Variants in RNF32 observed in about 807,000 individuals in gnomAD.
The protein encoded by RNF32 is ring finger protein 32.
RNF32 carries 36 observed loss-of-function variants against 41.0 expected under a neutral mutation model. The observed-to-expected ratio is 0.88, with a 90% CI of 0.67 to 1.16. The LOEUF (loss-of-function observed/expected upper bound fraction) is 1.16, where lower values mean the gene tolerates loss of function less well. Among genes scored for constraint, RNF32 ranks in the 50% most tolerant of loss-of-function variants. The probability of loss-of-function intolerance (pLI) is 0.00; values close to 1 mark genes in which losing one functional copy is unlikely to be tolerated. For synonymous variants in RNF32, 154 were observed against 160.9 expected (o/e 0.96, Z 0.32); for missense variants, 413 against 436.7 (o/e 0.95, Z 0.48).
At chr7:156,664,286 A>AC (rs930690335) in intron 7 of RNF32, among the ~76,000 whole-genome samples, 61 of 151,882 alleles carry the variant, frequency 4.0e-4, no homozygotes, top group African/African-American at 1.5e-3. Context: ...ACATGGAGAA[A>AC]CCCCTTCTCT....
intron 7 of RNF32, chr7:156,659,812 C>G (rs370057267): frequency 6.6e-6 from 5 of 760,726 alleles, no homozygotes; most frequent in East Asian, 1.3e-4. Context: ...GGTTAAGTTT[C>G]AGCGTTCAGT....
chr7:156,663,388 A>G (rs1251637965), intron 7 of RNF32, among the ~76,000 whole-genome samples: 1 of 152,226 alleles, frequency 6.6e-6, no homozygotes, highest in African/African-American at 2.4e-5. Context: ...TTACAATTTT[A>G]CATTATATTT....
In RNF32 at chr7:156,654,693, A is replaced by G; in HGVS notation, c.392A>G (p.Lys131Arg). The G allele has an allele frequency of 6.2e-7, 1 of 1,614,028 alleles. No individual in the cohort carries two copies. The highest frequency in any genetic ancestry group is 1.1e-5 in the South Asian group (1 of 91,076). The change falls in exon 4 of 9, where the codon AAA becomes AGA. Residue 131 changes from lysine (K) to arginine (R), a missense_variant. Coordinates refer to ENST00000317955, the MANE Select transcript of RNF32 (RefSeq NM_030936.4). ...TCCGTGCAACCATGCCCCATCTGTA[A>G]AGAAGAATTCGAGCTTCGTCCTCAG... ...GDSVQPCPIC[K>R]EEFELRPQVL... is the part of the protein sequence containing the mutation.
At chr7:156,667,494 A>C (rs1037727167) in intron 7 of RNF32, among the ~76,000 whole-genome samples, 40 of 152,336 alleles carry the variant, frequency 2.6e-4, no homozygotes, top group African/African-American at 8.7e-4. Context: ...TGTAAAATTG[A>C]AAATGTTTAG....
intron 4 of RNF32, among the ~76,000 whole-genome samples, chr7:156,655,505 C>T (rs1048735007): frequency 2.0e-5 from 3 of 152,142 alleles, no homozygotes; most frequent in African/African-American, 7.2e-5. Flanking sequence ...GCTGAGAAAA[C>T]ACAGCAAATA....
chr7:156,649,547 T>G (rs529779199), intron 3 of RNF32, among the ~76,000 whole-genome samples: 7 of 152,326 alleles, frequency 4.6e-5, no homozygotes, highest in African/African-American at 1.7e-4. Context: ...ATTGTTGTTT[T>G]GTGTTGTTTG....
At chr7:156,662,536 G>T (rs1278616435) in intron 7 of RNF32, among the ~76,000 whole-genome samples, 1 of 152,010 alleles carries the variant, frequency 6.6e-6, no homozygotes, top group Non-Finnish European at 1.5e-5. Context: ...AGTGAATTGC[G>T]TGTGTACACA....
At chr7:156,653,408 C>CAACA (rs897491485) in intron 3 of RNF32, among the ~76,000 whole-genome samples, 1 of 152,204 alleles carries the variant, frequency 6.6e-6, no homozygotes, top group Non-Finnish European at 1.5e-5. Flanking sequence ...CATTTCTTAA[C>CAACA]AACAATCGCC....
intron 6 of RNF32, 74 bp from the exon 7 acceptor site, chr7:156,658,388 T>A: frequency 6.7e-7 from 1 of 1,501,638 alleles, no homozygotes; most frequent in Non-Finnish European, 9.3e-7. Context: ...AGCACAGGGC[T>A]TATAACAACT....
In RNF32 at chr7:156,669,646, G is replaced by T. The variant is rs1802028220; in HGVS notation, c.685-6050G>T. Among the ~76,000 whole-genome samples the T allele has an allele frequency of 6.6e-6, 1 of 152,210 alleles. No homozygotes were observed. Among genetic ancestry groups the T allele is most frequent in the African/African-American group, 2.4e-5 (1 of 41,456 alleles). ...GCGACCCACAGCCACGTGAACACTG[G>T]AAACTGCCCTCAGAGCCCCGGGGAT... On this transcript the variant is annotated intron_variant, in intron 7 of 8. Coordinates refer to ENST00000317955, the MANE Select transcript of RNF32 (RefSeq NM_030936.4). The surrounding 1 kb of genome is among the most constrained non-coding windows in gnomAD (Gnocchi z 4.2).
intron 7 of RNF32, among the ~76,000 whole-genome samples, chr7:156,671,707 T>A (rs1563096984): frequency 6.6e-6 from 1 of 152,178 alleles, no homozygotes; most frequent in African/African-American, 2.4e-5. Flanking sequence ...CCCCAACAGT[T>A]AGTTTTTCAG....
chr7:156,658,880 A>C, intron 7 of RNF32: 1 of 1,548,882 alleles, frequency 6.5e-7, no homozygotes, highest in Non-Finnish European at 8.7e-7. Flanking sequence ...ACTGGAAACC[A>C]GCTTAATTTT....
At chr7:156,662,778 G>T (rs1240288625) in intron 7 of RNF32, among the ~76,000 whole-genome samples, 6 of 150,602 alleles carry the variant, frequency 4.0e-5, no homozygotes, top group African/African-American at 1.5e-4. Flanking sequence ...AGTATGAAAT[G>T]ACTGAAAAAA....
intron 7 of RNF32, among the ~76,000 whole-genome samples, chr7:156,666,234 C>A (rs916123537): frequency 1.3e-5 from 2 of 152,164 alleles, no homozygotes; most frequent in African/African-American, 4.8e-5. Flanking sequence ...TTAGCCCAAG[C>A]CATTCTGTTT....
In RNF32 at chr7:156,654,599, C is replaced by A. The variant is rs780335886; in HGVS notation, c.298C>A (p.Pro100Thr). Residue 100 changes from proline to threonine, a missense_variant, in exon 4 of 9, where the codon CCT becomes ACT. Physicochemically the swap from Pro to Thr is conservative, Grantham distance 38 (BLOSUM62 -1). Transcript: ENST00000317955. ...TLAQKLGLIG[P>T]PPPPLSSDEW... is the part of the protein sequence containing the mutation. ...AGCACAGAAGTTGGGCCTCATTGGG[C>A]CTCCACCACCTCCACTGTCATCAGA... The A allele has an allele frequency of 1.9e-6, 3 of 1,614,030 alleles. No individual in the cohort carries two copies. The highest frequency in any genetic ancestry group is 4.5e-5 in the East Asian group (2 of 44,884).
upstream of RNF32, chr7:156,640,463 C>A: frequency 2.7e-6 from 1 of 364,462 alleles, no homozygotes. Context: ...CGTGCTTCAG[C>A]CCGCGGCTCC....
At chr7:156,665,062 C>T (rs557342222) in intron 7 of RNF32, among the ~76,000 whole-genome samples, 61 of 152,260 alleles carry the variant, frequency 4.0e-4, no homozygotes, top group Non-Finnish European at 7.9e-4. Context: ...TCAACTCAGG[C>T]TTCATTTTCT....
intron 7 of RNF32, chr7:156,659,033 A>G: frequency 7.0e-7 from 1 of 1,420,294 alleles, no homozygotes. Flanking sequence ...TGAGCTTTAG[A>G]GCTAACTTCC....
intron 1 of RNF32, among the ~76,000 whole-genome samples, chr7:156,642,181 G>A (rs59727153): frequency 0.018 from 2,815 of 152,262 alleles, 89 homozygotes; most frequent in African/African-American, 0.065. Context: ...TTAGAAACTG[G>A]AGCTTTAAGC....
Sources: gnomAD v4.1 joint callset for allele counts (sites outside exome capture counted in the v4.1 genomes callset) on GRCh38, gnomAD v4.1.1 for gene constraint, Gnocchi (gnomAD v3.1) non-coding constraint, MANE v1.5 for transcripts, NCBI Gene and HGNC (gene_info 2026-07-23, HGNC 2026-07-21) for gene names.